TRIM35: variants seen among roughly 807,000 people sequenced by gnomAD.
TRIM35 encodes the protein E3 ubiquitin-protein ligase TRIM35.
A neutral mutation model predicts 49.1 loss-of-function variants in TRIM35; 37 were observed. That is an observed-to-expected ratio of 0.75 (90% confidence interval 0.58 to 0.99). The LOEUF (loss-of-function observed/expected upper bound fraction) is 0.99. Among genes scored for constraint, TRIM35 ranks in the 50% least tolerant of loss-of-function variants. The probability of loss-of-function intolerance (pLI) is 0.00; values close to 1 mark genes in which losing one functional copy is unlikely to be tolerated. For synonymous variants in TRIM35, 302 were observed against 289.3 expected, an observed-to-expected ratio of 1.04 and a Z score of -0.45; for missense variants, 648 against 702.7, an observed-to-expected ratio of 0.92 and a Z score of 0.88.
At chr8:27,301,958 C>T (rs191044360) in intron 1 of TRIM35, among the ~76,000 whole-genome samples, 2 of 152,308 alleles carry the variant, frequency 1.3e-5, no homozygotes, top group Admixed American at 1.3e-4. Context: ...GTCTGCAGAG[C>T]CACCTCTGTC....
chr8:27,310,534 G>A lies in TRIM35; in HGVS notation c.435+267C>T, dbSNP rs1802905854. Among the ~76,000 whole-genome samples the A allele has an allele frequency of 2.0e-5, 3 of 152,392 alleles. No individual in the cohort carries two copies. In the South Asian group the frequency reaches 6.2e-4, roughly 32 times the overall value. ...AGGGGTGCATGGCCTGGGCCCTTCAGAAGCAAGTGTCGCTGTCTTGGGAAC... is the reference window on the plus strand; with the variant it reads ...AGGGGTGCATGGCCTGGGCCCTTCAAAAGCAAGTGTCGCTGTCTTGGGAAC... On this transcript the variant is annotated intron_variant, in intron 1 of 5. Coordinates refer to ENST00000305364, the MANE Select transcript of TRIM35 (RefSeq NM_171982.5).
chr8:27,304,905 C>T, intron 1 of TRIM35: 1 of 412,198 alleles, frequency 2.4e-6, no homozygotes, highest in Non-Finnish European at 4.7e-6. Context: ...TCTCTACAGT[C>T]TCCCAAATTT....
At chr8:27,309,470 T>C (rs1025308287) in intron 1 of TRIM35, among the ~76,000 whole-genome samples, 3 of 152,106 alleles carry the variant, frequency 2.0e-5, no homozygotes, top group African/African-American at 7.2e-5. Flanking sequence ...CAAATGCATT[T>C]GGAGCGGAAC....
intron 3 of TRIM35, 87 bp downstream of exon 3, chr8:27,293,993 A>C: frequency 7.6e-7 from 1 of 1,322,994 alleles, no homozygotes; most frequent in East Asian, 2.3e-5. Flanking sequence ...CAGGAAGATG[A>C]CGTTGGCCAG....
chr8:27,307,784 C>T (rs554604783), intron 1 of TRIM35, among the ~76,000 whole-genome samples: 1 of 152,324 alleles, frequency 6.6e-6, no homozygotes, highest in South Asian at 2.1e-4. Flanking sequence ...GTTTCTTACC[C>T]TCTCTATGAT....
rs113538584 is a variant in TRIM35, at chr8:27,309,609, T to C, written c.435+1192A>G. ...ATGCAGCTTCGGGCCAGCTACCCAGTGTTCTCCCAATTGGGGCTCTGACTC... is the reference window on the plus strand; with the variant it reads ...ATGCAGCTTCGGGCCAGCTACCCAGCGTTCTCCCAATTGGGGCTCTGACTC... On this transcript the variant is annotated intron_variant, in intron 1 of 5. Coordinates refer to ENST00000305364, the MANE Select transcript of TRIM35 (RefSeq NM_171982.5). Among the ~76,000 whole-genome samples the C allele has an allele frequency of 9.2e-5, 14 of 152,294 alleles. No individual in the cohort carries two copies. The East Asian group carries it at 2.5e-3, about 27-fold the overall frequency.
In TRIM35 at chr8:27,311,248, C is replaced by T. The variant is rs1236649272; in HGVS notation, c.-13G>A. The T allele has an allele frequency of 2.7e-6, 4 of 1,492,864 alleles. No individual in the cohort carries two copies. The highest frequency in any genetic ancestry group is 3.6e-6 in the Non-Finnish European group (4 of 1,120,252). 92.5% of individuals were successfully genotyped at this position (1,492,864 alleles called of 1,614,324 possible). A position where few individuals can be genotyped will look rare whatever the true frequency, so the allele number is the denominator to read the frequency against. ...GACTCCGCTCCATGGCACGAGCAGC[C>T]GGCTCGGGCGCCCGGAACTTTTGCT... is the stretch of plus-strand genomic sequence containing the variant. On this transcript the variant is annotated 5_prime_UTR_variant, in exon 1 of 6. Coordinates refer to ENST00000305364, the MANE Select transcript of TRIM35 (RefSeq NM_171982.5).
chr8:27,310,857 G>C lies in TRIM35; in HGVS notation c.379C>G (p.Pro127Ala). Residue 127 changes from proline to alanine, a missense_variant, in exon 1 of 6, where the codon CCC becomes GCC. Pro to Ala is a conservative substitution (Grantham distance 27, BLOSUM62 -1). Coordinates refer to ENST00000305364, the MANE Select transcript of TRIM35 (RefSeq NM_171982.5). The part of the protein sequence containing the change: ...ELLCCSCQAD[P>A]RHQGHRVQPV... The stretch of plus-strand genomic sequence containing the variant: ...TGCACGCGGTGCCCCTGGTGTCGGG[G>C]GTCGGCCTGGCAGGAGCAGCACAGC... 1.2e-6 allele frequency: 2 copies of C among 1,610,626 alleles called. No homozygotes were observed. The highest frequency in any genetic ancestry group is 2.2e-5 in the South Asian group (2 of 90,980).
Position 27,287,586 on chromosome 8 carries a change from G to C in TRIM35, c.1446C>G (p.Pro482=). ...GTTCTTCCTTGACACTGATGTGCAA[G>C]GGGCAGATGCGCAAAGGCTCTGGAG... The part of the protein sequence containing the change: ...AGPPEPLRIC[P]LHISVKEELD... The change falls in exon 6 of 6, where the codon CCC becomes CCG. Residue 482 remains proline, a synonymous_variant. Coordinates refer to ENST00000305364, the MANE Select transcript of TRIM35 (RefSeq NM_171982.5). This position sits in a 1 kb window ranked among gnomAD's most constrained non-coding sequence, Gnocchi z 6.0. The C allele has an allele frequency of 1.2e-6, 2 of 1,601,248 alleles. No homozygotes were observed. The highest frequency in any genetic ancestry group is 1.1e-5 in the South Asian group (1 of 88,958).
chr8:27,288,969 G>A (rs977866386), intron 5 of TRIM35, among the ~76,000 whole-genome samples, 193 bp downstream of exon 5: 1 of 152,210 alleles, frequency 6.6e-6, no homozygotes, highest in South Asian at 2.1e-4. Context: ...GAGGGTTGGA[G>A]GTGTTGGGCA....
chr8:27,311,266 C>T lies in TRIM35; in HGVS notation c.-31G>A. On this transcript the variant is annotated 5_prime_UTR_variant, in exon 1 of 6. Coordinates refer to ENST00000305364, the MANE Select transcript of TRIM35 (RefSeq NM_171982.5). ...GAGCAGCCGGCTCGGGCGCCCGGAA[C>T]TTTTGCTCCGGCCCCTCCCACCCGC... The T allele has an allele frequency of 6.8e-7, 1 of 1,472,006 alleles. No homozygotes were observed. The highest frequency in any genetic ancestry group is 9.0e-7 in the Non-Finnish European group (1 of 1,108,860). 91.2% of individuals were successfully genotyped at this position (1,472,006 alleles called of 1,614,324 possible).
intron 1 of TRIM35, among the ~76,000 whole-genome samples, chr8:27,308,814 A>G (rs918863362): frequency 1.3e-5 from 2 of 152,068 alleles, no homozygotes; most frequent in African/African-American, 4.8e-5. Context: ...TGACACCATC[A>G]TTCTTCTGCT....
Position 27,286,141 on chromosome 8 carries a change from G to A in TRIM35, c.*1409C>T. On this transcript the variant is annotated 3_prime_UTR_variant, in exon 6 of 6. Transcript: ENST00000305364. ...GACCCAGATTTTAACACTGCTCCTAGGAAAAAAAAATATTTCCTTTTATGA... is the reference window on the plus strand; with the variant it reads ...GACCCAGATTTTAACACTGCTCCTAAGAAAAAAAAATATTTCCTTTTATGA... The A allele has an allele frequency of 2.2e-6, 1 of 455,810 alleles. No individual in the cohort carries two copies. Among genetic ancestry groups the A allele is most frequent in the Non-Finnish European group, 4.4e-6 (1 of 226,812 alleles). The allele number at this position is 455,810 out of a possible 1,614,324, so 28.2% of individuals were successfully genotyped here. A position where few individuals can be genotyped will look rare whatever the true frequency, so the allele number is the denominator to read the frequency against.
chr8:27,310,815 C>A lies in TRIM35; in HGVS notation c.421G>T (p.Ala141Ser). The stretch of plus-strand genomic sequence containing the variant: ...GCTGCTCTTACCCGAAAGTCGTGGG[C>A]AGTGTCCTTCACCGGCTGCACGCGG... ...GHRVQPVKDT[A>S]HDFRAKCRNM... Residue 141 changes from alanine to serine, a missense_variant, in exon 1 of 6, where the codon GCC becomes TCC. Physicochemically the swap from Ala to Ser is moderately conservative, Grantham distance 99. Coordinates refer to ENST00000305364, the MANE Select transcript of TRIM35 (RefSeq NM_171982.5). 1 of 1,599,258 alleles carries A rather than the reference C, an allele frequency of 6.3e-7. No homozygotes were observed. The highest frequency in any genetic ancestry group is 8.5e-7 in the Non-Finnish European group (1 of 1,170,016).
intron 1 of TRIM35, among the ~76,000 whole-genome samples, chr8:27,309,459 T>C (rs1428853723): frequency 1.3e-5 from 2 of 152,138 alleles, no homozygotes; most frequent in Non-Finnish European, 2.9e-5. Context: ...TTAAACTTTG[T>C]CAAATGCATT....
chr8:27,310,726 G>A (rs769417597), intron 1 of TRIM35, 75 bp downstream of exon 1: 14 of 1,464,212 alleles, frequency 9.6e-6, no homozygotes, highest in Non-Finnish European at 1.3e-5. Context: ...AGGCAGGAGG[G>A]GCGGGAGCCG....
intron 3 of TRIM35, among the ~76,000 whole-genome samples, chr8:27,292,918 T>TACTG (rs1275606406): frequency 6.6e-6 from 1 of 152,000 alleles, no homozygotes; most frequent in East Asian, 1.9e-4. Context: ...GCACTCTGAG[T>TACTG]ACTGGGCAGA....
intron 5 of TRIM35, 148 bp downstream of exon 5, chr8:27,289,014 C>T (rs1453990400): frequency 1.9e-5 from 12 of 623,394 alleles, no homozygotes; most frequent in Admixed American, 7.9e-5. Context: ...AACCTGCCTG[C>T]GAGGGACTGG....
At chr8:27,290,231 G>T in intron 3 of TRIM35, 53 bp from the exon 4 acceptor site, 1 of 1,580,350 alleles carries the variant, frequency 6.3e-7, no homozygotes, top group Non-Finnish European at 8.7e-7. Flanking sequence ...TAGAGGAAAT[G>T]TATATGTTTC....
Sources: allele counts gnomAD v4.1 joint callset (sites outside exome capture counted in the v4.1 genomes callset), GRCh38; gene constraint gnomAD v4.1.1; non-coding constraint Gnocchi (gnomAD v3.1); transcripts MANE v1.5; gene names NCBI Gene and HGNC (gene_info 2026-07-23, HGNC 2026-07-21).